Variants in MTMR9 observed in about 807,000 individuals in gnomAD.
MTMR9 encodes the protein myotubularin related protein 9.
MTMR9 carries 39 observed loss-of-function variants against 69.5 expected under a neutral mutation model. The ratio of observed to expected loss-of-function variants is 0.56; its 90% CI spans 0.43 to 0.73. The LOEUF (loss-of-function observed/expected upper bound fraction) is 0.73. Among genes scored for constraint, MTMR9 ranks in the 30% least tolerant of loss-of-function variants. The probability of loss-of-function intolerance (pLI) is 0.00; values close to 1 mark genes in which losing one functional copy is unlikely to be tolerated. For missense variants in MTMR9, 900 were observed against 671.2 expected, an observed-to-expected ratio of 1.34 and a Z score of -3.77; for synonymous variants, 354 against 240.8, an observed-to-expected ratio of 1.47 and a Z score of -4.35.
Position 11,322,863 on chromosome 8 carries a change from A to G in MTMR9, c.*75A>G, listed in dbSNP as rs1800759611. 2 of 1,387,864 alleles carry G rather than the reference A, an allele frequency of 1.4e-6. No individual in the cohort carries two copies. Among genetic ancestry groups the G allele is most frequent in the Non-Finnish European group, 2.0e-6 (2 of 1,012,110 alleles). 86.0% of individuals were successfully genotyped at this position (1,387,864 alleles called of 1,614,324 possible). On this transcript the variant is annotated 3_prime_UTR_variant, in exon 10 of 10. Coordinates refer to ENST00000221086, the MANE Select transcript of MTMR9 (RefSeq NM_015458.4). ...GTTCTCTCCTTGTGCCCTTCAGTTC[A>G]CTTTTACACGGTAGCCTTGAAGTGA...
chr8:11,305,230 G>C (rs778761948), intron 4 of MTMR9, among the ~76,000 whole-genome samples: 1 of 152,126 alleles, frequency 6.6e-6, no homozygotes, highest in Non-Finnish European at 1.5e-5. Flanking sequence ...CTGCTCAGCC[G>C]TATAAAAGCC....
intron 5 of MTMR9, among the ~76,000 whole-genome samples, chr8:11,307,431 C>G (rs747702406): frequency 4.5e-4 from 68 of 152,168 alleles, no homozygotes; most frequent in Non-Finnish European, 8.4e-4. Flanking sequence ...TTTTCTTAAT[C>G]CATTCATCCA....
At chr8:11,307,933 A>G (rs1342196916) in intron 5 of MTMR9, among the ~76,000 whole-genome samples, 1 of 152,014 alleles carries the variant, frequency 6.6e-6, no homozygotes, top group Non-Finnish European at 1.5e-5. Flanking sequence ...TTTCTTACAT[A>G]TTTTGGATAT....
chr8:11,288,025 A>ATATATAATATGTATTATATAATACGTAT (rs1799241602), intron 1 of MTMR9, among the ~76,000 whole-genome samples: 1 of 127,970 alleles, frequency 7.8e-6, no homozygotes, highest in African/African-American at 2.9e-5. Flanking sequence ...AATACGTATG[A>ATATATAATATGTATTATATAATACGTAT]TATATAATAT....
intron 2 of MTMR9, chr8:11,298,720 A>ACCCCC (rs1554501121): frequency 1.4e-5 from 10 of 728,000 alleles, no homozygotes; most frequent in African/African-American, 9.0e-5. Context: ...TCCCCGCTGC[A>ACCCCC]CCCCCCCCCC....
intron 8 of MTMR9, 62 bp downstream of exon 8, chr8:11,316,955 GC>G: frequency 1.8e-6 from 2 of 1,132,532 alleles, no homozygotes; most frequent in Non-Finnish European, 2.5e-6. Context: ...TTCCTAAGTA[GC>G]CAGAATCTCC....
intron 9 of MTMR9, 107 bp downstream of exon 9, chr8:11,319,945 C>G: frequency 3.7e-6 from 4 of 1,081,610 alleles, no homozygotes; most frequent in Non-Finnish European, 5.3e-6. Flanking sequence ...GGACGTGGCC[C>G]TCAGACCTGT....
At chr8:11,330,270 G>C (rs1200695795), downstream of MTMR9, among the ~76,000 whole-genome samples, 2 of 151,444 alleles carry the variant, frequency 1.3e-5, no homozygotes, top group African/African-American at 4.9e-5. Context: ...CCACCGGCCA[G>C]CCGCCCTGTC....
chr8:11,329,561 C>T (rs1398012569), downstream of MTMR9, among the ~76,000 whole-genome samples: 1 of 152,258 alleles, frequency 6.6e-6, no homozygotes, highest in African/African-American at 2.4e-5. Flanking sequence ...AGTGATCCGC[C>T]AGCCTCGGCC....
At chr8:11,331,561 A>G (rs776213482), downstream of MTMR9, 3 of 1,612,132 alleles carry the variant, frequency 1.9e-6, no homozygotes, top group East Asian at 4.5e-5. Flanking sequence ...CTTGAGAGCC[A>G]GGGTCTCGGT....
chr8:11,307,972 A>G (rs969799985), intron 5 of MTMR9, among the ~76,000 whole-genome samples: 4 of 152,114 alleles, frequency 2.6e-5, no homozygotes, highest in Admixed American at 1.3e-4. Context: ...GGTGTTCACA[A>G]ATGTTTTCTC....
chr8:11,311,803 T>A (rs1410846226), intron 6 of MTMR9, among the ~76,000 whole-genome samples: 3 of 152,220 alleles, frequency 2.0e-5, no homozygotes, highest in Non-Finnish European at 4.4e-5. Flanking sequence ...TTACCCACGG[T>A]TGAACTTGCA....
At position 11,325,825 on chromosome 8, in the gene MTMR9, G is replaced by C. The variant is rs1175936500; in HGVS notation, c.*3037G>C. The C allele has an allele frequency of 6.6e-6, 1 of 151,998 alleles. No homozygotes were observed. The highest frequency in any genetic ancestry group is 1.5e-5 in the Non-Finnish European group (1 of 68,006). 9.4% of individuals were successfully genotyped at this position (151,998 alleles called of 1,614,324 possible). ...AAGCAGAAATAGTAAAATTCAGTAG[G>C]TTTAAAACAATCTATAAATGTATTT... On this transcript the variant is annotated 3_prime_UTR_variant, in exon 10 of 10. Transcript: ENST00000221086.
At chr8:11,319,870 C>T (rs367978272) in intron 9 of MTMR9, 32 bp downstream of exon 9, 19 of 1,610,800 alleles carry the variant, frequency 1.2e-5, no homozygotes, top group South Asian at 5.5e-5. Flanking sequence ...AACTTCTTAA[C>T]GGTCAGGTGT....
chr8:11,295,211 G>C lies in MTMR9; in HGVS notation c.200G>C (p.Gly67Ala). 6.2e-7 allele frequency: 1 copy of C among 1,604,648 alleles called. No homozygotes were observed. Among genetic ancestry groups the C allele is most frequent in the Non-Finnish European group, 8.5e-7 (1 of 1,172,516 alleles). Residue 67 changes from glycine to alanine, a missense_variant, in exon 2 of 10, where the codon GGT becomes GCT. Coordinates refer to ENST00000221086, the MANE Select transcript of MTMR9 (RefSeq NM_015458.4). ...TCTTACAGATTTGTAGGATCACTGG[G>C]TACCATCATCATAAAATGTAAAGAT... ...AIDKRFVGSLGTIIIKCKDFR... is the reference protein window; with the variant it reads ...AIDKRFVGSLATIIIKCKDFR...
rs1799358371 is a variant in MTMR9 at position 11,290,864 on chromosome 8, T to G, written c.183-4330T>G. On this transcript the variant is annotated intron_variant, in intron 1 of 9. Transcript: ENST00000221086. Reference sequence around the variant, plus strand: ...GATAGTGCTAGTTGCCCCGCTTTCGTTTTTTTTTTTTTTTTTTAAAGTTGA... The same window carrying G: ...GATAGTGCTAGTTGCCCCGCTTTCGGTTTTTTTTTTTTTTTTTAAAGTTGA... Among the ~76,000 whole-genome samples the G allele has an allele frequency of 2.5e-5, 3 of 121,188 alleles. No individual in the cohort carries two copies. The South Asian group carries it at 8.4e-4, about 34-fold the overall frequency. 79.5% of individuals were successfully genotyped at this position (121,188 alleles called of 152,430 possible). A position where few individuals can be genotyped will look rare whatever the true frequency, so the allele number is the denominator to read the frequency against.
At chr8:11,333,639 C>T in the MTMR9 span, among the ~76,000 whole-genome samples, 4 of 152,106 alleles carry the variant, frequency 2.6e-5, no homozygotes, top group African/African-American at 7.2e-5. Context: ...TTTATAACAT[C>T]AGTTTTTATT....
chr8:11,311,145 C>T (rs1800181026), intron 6 of MTMR9, among the ~76,000 whole-genome samples: 1 of 152,104 alleles, frequency 6.6e-6, no homozygotes, highest in Non-Finnish European at 1.5e-5. Flanking sequence ...TACACAGAAG[C>T]CTTAAAGTAC....
intron 1 of MTMR9, 186 bp from the exon 2 acceptor site, chr8:11,295,008 C>G: frequency 2.5e-6 from 1 of 404,830 alleles, no homozygotes; most frequent in Non-Finnish European, 4.3e-6. Flanking sequence ...TTAAAAAAGA[C>G]ATATATTGTA....
Sources: gnomAD v4.1 joint callset for allele counts (sites outside exome capture counted in the v4.1 genomes callset) on GRCh38, gnomAD v4.1.1 for gene constraint, MANE v1.5 for transcripts, NCBI Gene and HGNC (gene_info 2026-07-23, HGNC 2026-07-21) for gene names.